DNMT1: variants seen among roughly 807,000 people sequenced by gnomAD.
The protein encoded by DNMT1 is DNA (cytosine-5)-methyltransferase 1.
A neutral mutation model predicts 205.3 loss-of-function variants in DNMT1; 24 were observed. The ratio of observed to expected loss-of-function variants is 0.12; its 90% confidence interval spans 0.08 to 0.16. DNMT1 has a LOEUF of 0.16. DNMT1 is among the 10% of genes least tolerant of loss of function. The pLI is 1.00. For synonymous variants in DNMT1, 817 were observed against 839.8 expected (o/e 0.97, Z 0.47); for missense variants, 1,293 against 2,177.7 (o/e 0.59, Z 8.09).
chr19:10,180,404 G>C lies in DNMT1; in HGVS notation c.391C>G (p.Pro131Ala). Residue 131 changes from proline (P) to alanine (A), a missense_variant, in exon 4 of 41, where the codon CCC (proline) becomes GCC (alanine). Physicochemically the swap from Pro to Ala is conservative, Grantham distance 27 (BLOSUM62 -1). Coordinates refer to ENST00000359526, the MANE Select transcript of DNMT1 (RefSeq NM_001130823.3). ...GMADANSPPK[P>A]LSKPRTPRRS... ...CTGGGCGTGCGAGGTTTGGAAAGGGGTTTGGGGGGGCTGTTGGCATCTGCC... is the reference window on the plus strand; with the variant it reads ...CTGGGCGTGCGAGGTTTGGAAAGGGCTTTGGGGGGGCTGTTGGCATCTGCC... The C allele has an allele frequency of 1.2e-6, 2 of 1,613,992 alleles. No individual in the cohort carries two copies. The highest frequency in any genetic ancestry group is 1.6e-4 in the Middle Eastern group (1 of 6,062).
At chr19:10,181,630 A>G (rs1272706061) in intron 2 of DNMT1, among the ~76,000 whole-genome samples, 1 of 151,724 alleles carries the variant, frequency 6.6e-6, no homozygotes. Context: ...GGCGTTCAAG[A>G]CCAGTCTGGC....
chr19:10,166,885 T>C (rs900570278), intron 10 of DNMT1, among the ~76,000 whole-genome samples, 200 bp from the exon 11 acceptor site: 1 of 152,172 alleles, frequency 6.6e-6, no homozygotes, highest in Non-Finnish European at 1.5e-5. Context: ...CAATACCCCA[T>C]CTGAATGTTG....
chr19:10,192,269 C>T (rs2039318085), intron 1 of DNMT1, among the ~76,000 whole-genome samples: 1 of 151,344 alleles, frequency 6.6e-6, no homozygotes, highest in African/African-American at 2.4e-5. Flanking sequence ...CTGGGTGACA[C>T]AGTGAGATCC....
chr19:10,184,216 A>G (rs2039134702), intron 1 of DNMT1: 3 of 152,216 alleles, frequency 2.0e-5, no homozygotes, highest in Admixed American at 2.0e-4. Context: ...GCCACAGGAC[A>G]CTGTGGGGAA....
In DNMT1 at chr19:10,156,267, A is replaced by C; in HGVS notation, c.1399+124T>G. 1.3e-6 allele frequency: 1 copy of C among 796,866 alleles called. No individual in the cohort carries two copies. The highest frequency in any genetic ancestry group is 2.2e-6 in the Non-Finnish European group (1 of 457,134). The allele number at this position is 796,866 out of a possible 1,614,324, so 49.4% of individuals were successfully genotyped here. A position where few individuals can be genotyped will look rare whatever the true frequency, so the allele number is the denominator to read the frequency against. ...TTGCTATGTTGTCCAGGCTCGTCTC[A>C]AACTCCCGGGCTCAAGTGATCCTCT... On this transcript the variant is annotated intron_variant, in intron 18 of 40. Coordinates refer to ENST00000359526, the MANE Select transcript of DNMT1 (RefSeq NM_001130823.3). The surrounding 1 kb of genome is among the most constrained non-coding windows in gnomAD (Gnocchi z 4.2).
rs916624984 is a variant in DNMT1, at chr19:10,156,005, G to A, written c.1400-60C>T. ...GACTCACATCCCAAACCCAGGAGGC[G>A]CTCTAAGCGCCCACTCAGCAGACAT... On this transcript the variant is annotated intron_variant, in intron 18 of 40. Coordinates refer to ENST00000359526, the MANE Select transcript of DNMT1 (RefSeq NM_001130823.3). The surrounding 1 kb of genome is among the most constrained non-coding windows in gnomAD (Gnocchi z 4.2). 3.9e-5 allele frequency: 61 copies of A among 1,548,432 alleles called. No homozygotes were observed. Among genetic ancestry groups the A allele is most frequent in the Middle Eastern group, 1.7e-4 (1 of 5,976 alleles).
At chr19:10,168,218 G>C in intron 10 of DNMT1, 112 bp downstream of exon 10, 1 of 1,239,602 alleles carries the variant, frequency 8.1e-7, no homozygotes, top group Non-Finnish European at 1.2e-6. Context: ...GCCCACATAA[G>C]AGACATATGA....
chr19:10,173,249 C>A, intron 8 of DNMT1, 75 bp from the exon 9 acceptor site: 1 of 1,431,870 alleles, frequency 7.0e-7, no homozygotes, highest in South Asian at 1.2e-5. Context: ...TCATAAAGCT[C>A]CTCTTTCCCC....
intron 30 of DNMT1, 160 bp from the exon 31 acceptor site, chr19:10,141,349 A>G (rs2089597374): frequency 2.9e-6 from 2 of 696,908 alleles, no homozygotes; most frequent in Admixed American, 2.3e-5. Flanking sequence ...GCTACAATAG[A>G]AACTTAAAAC....
At chr19:10,171,778 C>G (rs887147351) in intron 9 of DNMT1, among the ~76,000 whole-genome samples, 9 of 151,392 alleles carry the variant, frequency 5.9e-5, no homozygotes, top group Admixed American at 2.0e-4. Context: ...GCACTTCAGC[C>G]TGGGCGACAG....
At position 10,138,323 on chromosome 19, in the gene DNMT1, A is replaced by G; in HGVS notation, c.4115+116T>C. The G allele has an allele frequency of 6.7e-7, 1 of 1,503,468 alleles. No individual in the cohort carries two copies. Among genetic ancestry groups the G allele is most frequent in the South Asian group, 1.1e-5 (1 of 87,002 alleles). 93.1% of individuals were successfully genotyped at this position (1,503,468 alleles called of 1,614,324 possible). A position where few individuals can be genotyped will look rare whatever the true frequency, so the allele number is the denominator to read the frequency against. ...GCCATGTGGCAGAGCACCGTGTGGC[A>G]GGGCAGATGCTGTACCATCCTCTCC... On this transcript the variant is annotated intron_variant, in intron 35 of 40. Transcript: ENST00000359526. The surrounding 1 kb of genome is among the most constrained non-coding windows in gnomAD (Gnocchi z 4.1).
rs2038331479 is a variant in DNMT1 at position 10,151,022 on chromosome 19, G to A, written c.2265+376C>T. On this transcript the variant is annotated intron_variant, in intron 24 of 40. Coordinates refer to ENST00000359526, the MANE Select transcript of DNMT1 (RefSeq NM_001130823.3). The surrounding 1 kb of genome is among the most constrained non-coding windows in gnomAD (Gnocchi z 5.0). The stretch of plus-strand genomic sequence containing the variant: ...GGGCAGGAGAATCGCTTGAACCTGG[G>A]AGGCAGAGGTTGCAGCGAGCTGAGA... Among the ~76,000 whole-genome samples, 1 of 152,202 alleles carries A rather than the reference G, an allele frequency of 6.6e-6. No individual in the cohort carries two copies.
intron 24 of DNMT1, among the ~76,000 whole-genome samples, chr19:10,150,759 CA>C (rs1283257063): frequency 2.0e-5 from 3 of 152,158 alleles, no homozygotes; most frequent in Non-Finnish European, 4.4e-5. Flanking sequence ...CAAAAAGACC[CA>C]CCCCACACCA....
intron 1 of DNMT1, among the ~76,000 whole-genome samples, chr19:10,191,662 C>T (rs1457905417): frequency 1.3e-5 from 2 of 152,092 alleles, no homozygotes; most frequent in East Asian, 1.9e-4. Context: ...ATTCCTGCTT[C>T]CTGGCAGTTA....
In DNMT1 at chr19:10,137,434, C is replaced by T. The variant is rs1161341932; in HGVS notation, c.4294-154G>A. The T allele has an allele frequency of 3.0e-5, 29 of 959,652 alleles. No individual in the cohort carries two copies. In the Admixed American group the frequency reaches 5.7e-4, roughly 19 times the overall value. The allele number at this position is 959,652 out of a possible 1,614,324, so 59.4% of individuals were successfully genotyped here. ...ACAGTCAGGGATATCGCACTTGGCT[C>T]GAGGCCACGGCAGGGACCTGAGGCA... On this transcript the variant is annotated intron_variant, in intron 36 of 40. Coordinates refer to ENST00000359526, the MANE Select transcript of DNMT1 (RefSeq NM_001130823.3). This position sits in a 1 kb window ranked among gnomAD's most constrained non-coding sequence, Gnocchi z 6.4.
At chr19:10,142,478 G>C (rs1293991256) in intron 29 of DNMT1, among the ~76,000 whole-genome samples, 2 of 150,802 alleles carry the variant, frequency 1.3e-5, no homozygotes, top group Non-Finnish European at 3.0e-5. Context: ...GGGAACCACA[G>C]GGTAAAGATC....
chr19:10,156,555 C>T lies in DNMT1; in HGVS notation c.1281-46G>A, dbSNP rs759047004. On this transcript the variant is annotated intron_variant, in intron 17 of 40. Coordinates refer to ENST00000359526, the MANE Select transcript of DNMT1 (RefSeq NM_001130823.3). This position sits in a 1 kb window ranked among gnomAD's most constrained non-coding sequence, Gnocchi z 4.2. ...ATGCTTACCAGCTAAGCCGTGAAGG[C>T]GGGTCTTCGTGCAGACTTCAGATCA... The T allele has an allele frequency of 1.8e-5, 27 of 1,469,512 alleles. No individual in the cohort carries two copies. The highest frequency in any genetic ancestry group is 2.3e-5 in the Non-Finnish European group (24 of 1,050,190). 91.0% of individuals were successfully genotyped at this position (1,469,512 alleles called of 1,614,324 possible). A position where few individuals can be genotyped will look rare whatever the true frequency, so the allele number is the denominator to read the frequency against.
At chr19:10,161,819 T>A (rs181317508) in intron 13 of DNMT1, among the ~76,000 whole-genome samples, 3 of 152,108 alleles carry the variant, frequency 2.0e-5, no homozygotes, top group Non-Finnish European at 4.4e-5. Flanking sequence ...TGGGGCCCCA[T>A]CCAATAAGAC....
intron 5 of DNMT1, among the ~76,000 whole-genome samples, chr19:10,177,954 AG>A (rs889197957): frequency 3.3e-5 from 5 of 151,586 alleles, no homozygotes; most frequent in African/African-American, 1.2e-4. Flanking sequence ...AAAAAAGAAA[AG>A]AAAGAAAGAA....
Sources: allele counts gnomAD v4.1 joint callset (sites outside exome capture counted in the v4.1 genomes callset), GRCh38; gene constraint gnomAD v4.1.1; non-coding constraint Gnocchi (gnomAD v3.1); transcripts MANE v1.5; gene names NCBI Gene and HGNC (gene_info 2026-07-23, HGNC 2026-07-21).